CACNA1A: variants seen among roughly 807,000 people sequenced by gnomAD.
CACNA1A encodes the protein voltage-dependent P/Q-type calcium channel subunit alpha-1A.
A neutral mutation model predicts 262.4 loss-of-function variants in CACNA1A; 57 were observed. That is an observed-to-expected ratio of 0.22 (90% CI 0.18 to 0.27). CACNA1A has a LOEUF of 0.27. Among genes scored for constraint, CACNA1A ranks in the 10% least tolerant of loss-of-function variants. CACNA1A has a pLI of 1.00. For missense variants in CACNA1A, 2,526 were observed against 3,562.8 expected (o/e 0.71, Z 7.41); for synonymous variants, 1,431 against 1,419.3 (o/e 1.01, Z -0.18).
intron 20 of CACNA1A, 57 bp downstream of exon 20, chr19:13,286,446 T>G: frequency 1.2e-6 from 1 of 842,474 alleles, no homozygotes; most frequent in Non-Finnish European, 1.8e-6. Flanking sequence ...CAGCAGAGCC[T>G]CTGGCTCCAG....
chr19:13,327,595 T>C (rs566103888), intron 10 of CACNA1A, among the ~76,000 whole-genome samples: 7 of 151,648 alleles, frequency 4.6e-5, no homozygotes, highest in African/African-American at 1.7e-4. Flanking sequence ...ATTTTTTTGA[T>C]GGAGTTTCAC....
chr19:13,441,802 CTG>C (rs1428833695), intron 3 of CACNA1A, among the ~76,000 whole-genome samples: 1 of 152,100 alleles, frequency 6.6e-6, no homozygotes, highest in Admixed American at 6.6e-5. Flanking sequence ...GGCATGCAAA[CTG>C]TAGAGGCAGT....
At position 13,234,210 on chromosome 19, in the gene CACNA1A, C is replaced by T. The variant is rs745383696; in HGVS notation, c.5249+711G>A. ...TAAAAATACAAAAAAATTATCTGGG[C>T]GTGGTGGCGGGCGCCTGTAGTCCCA... On this transcript the variant is annotated intron_variant, in intron 34 of 46. Coordinates refer to ENST00000360228, the MANE Select transcript of CACNA1A (RefSeq NM_001127222.2). Among the ~76,000 whole-genome samples the T allele has an allele frequency of 7.8e-4, 118 of 151,086 alleles. No individual in the cohort carries two copies. In the Middle Eastern group the frequency reaches 0.041, roughly 52 times the overall value.
intron 3 of CACNA1A, among the ~76,000 whole-genome samples, chr19:13,372,642 A>G (rs147398301): frequency 6.8e-4 from 103 of 152,340 alleles, no homozygotes; most frequent in African/African-American, 2.0e-3. Flanking sequence ...TAACAATAGT[A>G]TCAATACCTC....
Position 13,261,456 on chromosome 19 carries a change from T to C in CACNA1A, c.4244A>G (p.Asp1415Gly). The change falls in exon 26 of 47, where the codon GAT becomes GGT. Residue 1415 changes from aspartate (D) to glycine (G), a missense_variant. Transcript: ENST00000360228. ...CTGGAAAGTGGAGACCCACCGACAA[T>C]CTTTCTCAAACTCTTTGGACTCGTC... ...CTDESKEFEK[D>G]CRGKYLLYEK... 6.4e-7 allele frequency: 1 copy of C among 1,572,674 alleles called. No individual in the cohort carries two copies. The highest frequency in any genetic ancestry group is 8.6e-7 in the Non-Finnish European group (1 of 1,158,620).
chr19:13,382,971 C>G (rs1309504891), intron 3 of CACNA1A, among the ~76,000 whole-genome samples: 1 of 152,180 alleles, frequency 6.6e-6, no homozygotes, highest in Non-Finnish European at 1.5e-5. Context: ...CCCAGACCAG[C>G]CACAGGACTC....
At chr19:13,293,299 C>G (rs2057585789) in intron 19 of CACNA1A, among the ~76,000 whole-genome samples, 1 of 151,982 alleles carries the variant, frequency 6.6e-6, no homozygotes, top group African/African-American at 2.4e-5. Flanking sequence ...GGGAGAATTT[C>G]TTGAGGCCAG....
At chr19:13,376,686 CAT>C (rs2059412501) in intron 3 of CACNA1A, among the ~76,000 whole-genome samples, 1 of 146,870 alleles carries the variant, frequency 6.8e-6, no homozygotes, top group South Asian at 2.1e-4. Flanking sequence ...ATACACTACA[CAT>C]AATATATGTT....
intron 37 of CACNA1A, chr19:13,226,056 A>C (rs534839623): frequency 2.5e-4 from 38 of 152,166 alleles, no homozygotes; most frequent in African/African-American, 8.2e-4. Flanking sequence ...TGTTCTCACC[A>C]CATTGGTAGA....
intron 10 of CACNA1A, among the ~76,000 whole-genome samples, chr19:13,320,603 C>T (rs1178074126): frequency 6.6e-6 from 1 of 152,162 alleles, no homozygotes. Flanking sequence ...CAGGCATACC[C>T]TTCACTGGTA....
rs748652953 is a variant in CACNA1A, at chr19:13,275,961, G to A, written c.3883-5C>T. 65 of 1,599,528 alleles carry A rather than the reference G, an allele frequency of 4.1e-5. No individual in the cohort carries two copies. The highest frequency in any genetic ancestry group is 5.3e-5 in the Non-Finnish European group (62 of 1,167,030). On this transcript the variant is annotated splice_region_variant and splice_polypyrimidine_tract_variant and intron_variant, in intron 23 of 46. Transcript: ENST00000360228. ...GACGAGCCCCAGGTCAATCATCTGT[G>A]GGGGAGAAGAGAGGGTGCTCAGAAC...
chr19:13,340,054 G>A (rs2058650322), intron 6 of CACNA1A, among the ~76,000 whole-genome samples: 1 of 152,184 alleles, frequency 6.6e-6, no homozygotes, highest in Non-Finnish European at 1.5e-5. Context: ...ATATAGCCCA[G>A]GGAACGAAAC....
chr19:13,469,594 G>T (rs1283907397), intron 1 of CACNA1A, among the ~76,000 whole-genome samples: 1 of 143,908 alleles, frequency 6.9e-6, no homozygotes, highest in Non-Finnish European at 1.5e-5. Flanking sequence ...GACTACAGGC[G>T]CCCGCCACCA....
intron 38 of CACNA1A, among the ~76,000 whole-genome samples, chr19:13,215,890 GAGC>G (rs1052987003): frequency 2.0e-5 from 3 of 152,100 alleles, no homozygotes; most frequent in African/African-American, 7.2e-5. Context: ...GGACGCCCTG[GAGC>G]ATCCCCAACA....
At chr19:13,213,651 A>G (rs1416637175) in intron 40 of CACNA1A, 3 of 141,572 alleles carry the variant, frequency 2.1e-5, no homozygotes, top group South Asian at 2.3e-4. Flanking sequence ...ATGAATCCAC[A>G]TGATGTGTCC....
chr19:13,499,952 G>C (rs755368962), intron 1 of CACNA1A, among the ~76,000 whole-genome samples: 3 of 151,850 alleles, frequency 2.0e-5, no homozygotes, highest in Admixed American at 6.6e-5. Flanking sequence ...GCTTGCTACT[G>C]GGGGGGAAAC....
intron 1 of CACNA1A, among the ~76,000 whole-genome samples, chr19:13,460,925 T>A (rs1010271827): frequency 3.9e-5 from 6 of 152,156 alleles, no homozygotes; most frequent in Non-Finnish European, 7.3e-5. Context: ...CTTTATCTTG[T>A]TCCCTGTCTC....
At chr19:13,433,485 T>TAAAAAAAAAAAAAAAAA (rs2060557447) in intron 3 of CACNA1A, among the ~76,000 whole-genome samples, 1 of 75,436 alleles carries the variant, frequency 1.3e-5, no homozygotes. Context: ...AAAAAAAAAG[T>TAAAAAAAAAAAAAAAAA]CAGCTGAAGA....
At chr19:13,336,604 A>AGAGAGG (rs2058577333) in intron 6 of CACNA1A, among the ~76,000 whole-genome samples, 3 of 25,166 alleles carry the variant, frequency 1.2e-4, no homozygotes, top group African/African-American at 2.2e-4. Context: ...GGAGAGAGAG[A>AGAGAGG]GAGAGAGAGA....
Sources: gnomAD v4.1 joint callset for allele counts (sites outside exome capture counted in the v4.1 genomes callset) on GRCh38, gnomAD v4.1.1 for gene constraint, MANE v1.5 for transcripts, NCBI Gene and HGNC (gene_info 2026-07-23, HGNC 2026-07-21) for gene names.